The following DLG2 variants were observed in gnomAD, a reference collection of about 807,000 sequenced individuals.
DLG2 encodes discs large MAGUK scaffold protein 2, also known as disks large homolog 2.
In DLG2, 45 loss-of-function variants were observed where a neutral mutation model predicts 132.5. That is an observed-to-expected ratio of 0.34 (90% CI 0.27 to 0.44). The LOEUF is 0.44. Ranked by LOEUF, DLG2 falls within the 20% of genes least tolerant of loss-of-function variation. DLG2 has a pLI of 1.00. For synonymous variants in DLG2, 424 were observed against 419.6 expected, an observed-to-expected ratio of 1.01 and a Z score of -0.13; for missense variants, 1,045 against 1,196.9, an observed-to-expected ratio of 0.87 and a Z score of 1.87.
intron 21 of DLG2, among the ~76,000 whole-genome samples, chr11:83,503,414 TATATATATAG>T (rs2094544417): frequency 1.9e-4 from 9 of 47,990 alleles, no homozygotes; most frequent in Non-Finnish European, 3.4e-4. Flanking sequence ...TATATATATA[TATATATATAG>T]ATAGATCTAA....
intron 6 of DLG2, among the ~76,000 whole-genome samples, chr11:85,077,120 C>A (rs2066641600): frequency 6.6e-6 from 1 of 151,948 alleles, no homozygotes; most frequent in South Asian, 2.1e-4. Flanking sequence ...TTGGCACAGG[C>A]TCAGCAGTTC....
chr11:83,463,160 C>G (rs2090355634), intron 26 of DLG2, among the ~76,000 whole-genome samples: 1 of 151,848 alleles, frequency 6.6e-6, no homozygotes, highest in Non-Finnish European at 1.5e-5. Flanking sequence ...GAAGAGTAAT[C>G]TGGGGTAAGA....
chr11:85,069,841 G>A (rs1343243240), intron 6 of DLG2, among the ~76,000 whole-genome samples: 1 of 152,094 alleles, frequency 6.6e-6, no homozygotes, highest in Non-Finnish European at 1.5e-5. Context: ...CTGCTATAAA[G>A]ACACGTGCAC....
rs184724088 is a variant in DLG2 at position 84,178,296 on chromosome 11, G to A, written c.574-14785C>T. 1.8e-3 allele frequency among the ~76,000 whole-genome samples: 276 copies of A among 152,244 alleles called. 1 individual carries two copies. Among genetic ancestry groups the A allele is most frequent in the African/African-American group, 6.5e-3 (269 of 41,560 alleles). Reference sequence around the variant, plus strand: ...TAGTCTAAGGTTGCAATACTGGCTGGTGCAGTCAACATGCTGTCTACAGTA... The same window carrying A: ...TAGTCTAAGGTTGCAATACTGGCTGATGCAGTCAACATGCTGTCTACAGTA... On this transcript the variant is annotated intron_variant, in intron 8 of 27. Transcript: ENST00000376104.
chr11:84,274,827 A>G (rs1211213189), intron 7 of DLG2, among the ~76,000 whole-genome samples: 3 of 152,138 alleles, frequency 2.0e-5, no homozygotes, highest in Non-Finnish European at 2.9e-5. Context: ...TATCAATTCA[A>G]CCAACCTTCT....
intron 16 of DLG2, among the ~76,000 whole-genome samples, chr11:83,863,447 G>A (rs2061773597): frequency 6.6e-6 from 1 of 152,104 alleles, no homozygotes; most frequent in East Asian, 1.9e-4. Context: ...GGGTGTGTGA[G>A]AGGTGCACAG....
At chr11:84,344,428 T>A (rs1392138911) in intron 7 of DLG2, among the ~76,000 whole-genome samples, 1 of 152,200 alleles carries the variant, frequency 6.6e-6, no homozygotes, top group Admixed American at 6.5e-5. Context: ...ATTATTGTTG[T>A]TAACTCTCAT....
chr11:84,728,551 C>CT (rs894655854), intron 6 of DLG2, among the ~76,000 whole-genome samples: 1 of 152,020 alleles, frequency 6.6e-6, no homozygotes, highest in East Asian at 1.9e-4. Flanking sequence ...CTGATATTTT[C>CT]TTTTTTTGTT....
At chr11:84,310,243 G>A (rs1345268499) in intron 7 of DLG2, among the ~76,000 whole-genome samples, 1 of 152,122 alleles carries the variant, frequency 6.6e-6, no homozygotes, top group Non-Finnish European at 1.5e-5. Flanking sequence ...AAGACGCGGT[G>A]GAGAGAATAA....
At chr11:85,176,723 G>T (rs183837043) in intron 4 of DLG2, among the ~76,000 whole-genome samples, 2 of 151,926 alleles carry the variant, frequency 1.3e-5, no homozygotes, top group African/African-American at 4.8e-5. Context: ...TCTGACGAAG[G>T]TCTAATATCT....
chr11:85,075,758 TATATA>T (rs958897793), intron 6 of DLG2, among the ~76,000 whole-genome samples: 15 of 151,922 alleles, frequency 9.9e-5, no homozygotes, highest in Admixed American at 2.6e-4. Flanking sequence ...TCTCAGAAAA[TATATA>T]ATATAATTGT....
At chr11:85,412,912 C>T (rs1208081511) in intron 3 of DLG2, among the ~76,000 whole-genome samples, 1 of 151,602 alleles carries the variant, frequency 6.6e-6, no homozygotes, top group Non-Finnish European at 1.5e-5. Context: ...ATTTATTTTC[C>T]TCTGGGTAGA....
intron 7 of DLG2, among the ~76,000 whole-genome samples, chr11:84,362,978 A>G (rs1177198562): frequency 1.3e-5 from 2 of 151,976 alleles, no homozygotes; most frequent in Non-Finnish European, 2.9e-5. Context: ...ATACATGTGC[A>G]TGTGTCTTTA....
chr11:83,787,702 G>A (rs1307054142), intron 17 of DLG2, among the ~76,000 whole-genome samples: 4 of 152,258 alleles, frequency 2.6e-5, no homozygotes, highest in South Asian at 2.1e-4. Context: ...GAAATAAAGA[G>A]TGCCTGGAGT....
At chr11:84,668,055 T>C (rs1412594096) in intron 6 of DLG2, among the ~76,000 whole-genome samples, 1 of 152,144 alleles carries the variant, frequency 6.6e-6, no homozygotes, top group Non-Finnish European at 1.5e-5. Context: ...ACCTGCTATA[T>C]GAGAGTATAA....
chr11:84,355,679 G>A (rs1014753149), intron 7 of DLG2, among the ~76,000 whole-genome samples: 1 of 152,090 alleles, frequency 6.6e-6, no homozygotes, highest in African/African-American at 2.4e-5. Context: ...ATTAGAGCAT[G>A]AGAAGAGGTA....
chr11:84,417,780 T>C (rs12274958), intron 7 of DLG2, among the ~76,000 whole-genome samples: 15,674 of 152,126 alleles, frequency 0.1, 1,946 homozygotes, highest in African/African-American at 0.3. Context: ...CCCACCATTT[T>C]ATGTATTATT....
intron 3 of DLG2, among the ~76,000 whole-genome samples, chr11:85,593,861 A>G (rs2153232918): frequency 1.3e-5 from 2 of 152,260 alleles, no homozygotes; most frequent in East Asian, 3.9e-4. Flanking sequence ...TACCATCATT[A>G]TAATTGAATA....
chr11:85,315,102 C>A (rs2152814287), intron 3 of DLG2, among the ~76,000 whole-genome samples: 1 of 151,998 alleles, frequency 6.6e-6, no homozygotes, highest in African/African-American at 2.4e-5. Context: ...ATAAAAAACG[C>A]CTGTCATAAA....
Sources: gnomAD v4.1 joint callset for allele counts (sites outside exome capture counted in the v4.1 genomes callset) on GRCh38, gnomAD v4.1.1 for gene constraint, MANE v1.5 for transcripts, NCBI Gene and HGNC (gene_info 2026-07-23, HGNC 2026-07-21) for gene names.